The following HPSE2 variants were observed in gnomAD, a reference collection of about 807,000 sequenced individuals.
HPSE2 encodes the protein heparanase 2 (inactive).
In HPSE2, 38 loss-of-function variants were observed where a neutral mutation model predicts 60.5. The observed-to-expected ratio is 0.63, with a 90% CI of 0.48 to 0.82. The LOEUF (loss-of-function observed/expected upper bound fraction) is 0.82, where lower values mean the gene tolerates loss of function less well. Among genes scored for constraint, HPSE2 ranks in the 40% least tolerant of loss-of-function variants. The pLI is 0.00. For synonymous variants in HPSE2, 295 were observed against 293.2 expected (o/e 1.01, Z -0.06); for missense variants, 713 against 740.4 (o/e 0.96, Z 0.43).
Position 99,177,510 on chromosome 10 carries a change from C to T in HPSE2, c.449-33111G>A, listed in dbSNP as rs1847575047. Among the ~76,000 whole-genome samples, 3 of 151,878 alleles carry T rather than the reference C, an allele frequency of 2.0e-5. No individual in the cohort carries two copies. The South Asian group carries it at 6.2e-4, about 32-fold the overall frequency. On this transcript the variant is annotated intron_variant, in intron 2 of 11. Coordinates refer to ENST00000370552, the MANE Select transcript of HPSE2 (RefSeq NM_021828.5). The stretch of plus-strand genomic sequence containing the variant: ...TAACAGACTTTAAACCAAAAAACAT[C>T]AAAAAAGACAAAGAAGGGCATTATA...
At chr10:98,530,772 A>G (rs1462622546) in intron 9 of HPSE2, among the ~76,000 whole-genome samples, 2 of 152,164 alleles carry the variant, frequency 1.3e-5, no homozygotes, top group African/African-American at 2.4e-5. Flanking sequence ...GATGTAGGAA[A>G]GGATGCAGCC....
chr10:98,568,757 G>C (rs903552973), intron 9 of HPSE2, among the ~76,000 whole-genome samples: 1 of 152,120 alleles, frequency 6.6e-6, no homozygotes, highest in Admixed American at 6.5e-5. Flanking sequence ...TTTTTCCTTA[G>C]AGCAGCAGTG....
At chr10:99,267,382 C>G in the HPSE2 span, among the ~76,000 whole-genome samples, 4 of 151,902 alleles carry the variant, frequency 2.6e-5, no homozygotes. Flanking sequence ...GAAGAAAGAA[C>G]TTCAGAGCTC....
rs564483481 is a variant in HPSE2, at chr10:98,866,793, A to T, written c.611-122737T>A. Among the ~76,000 whole-genome samples, 4 of 152,310 alleles carry T rather than the reference A, an allele frequency of 2.6e-5. No individual in the cohort carries two copies. In the South Asian group the frequency reaches 8.3e-4, roughly 32 times the overall value. On this transcript the variant is annotated intron_variant, in intron 3 of 11. Coordinates refer to ENST00000370552, the MANE Select transcript of HPSE2 (RefSeq NM_021828.5). Reference sequence around the variant, plus strand: ...TATAGCCAGTAAAAATATCTTTCAAAAAATGAAGATGAAATAAAAACATTT... The same window carrying T: ...TATAGCCAGTAAAAATATCTTTCAATAAATGAAGATGAAATAAAAACATTT...
At chr10:98,680,979 G>T (rs1947771850) in intron 6 of HPSE2, among the ~76,000 whole-genome samples, 1 of 151,778 alleles carries the variant, frequency 6.6e-6, no homozygotes, top group Admixed American at 6.6e-5. Context: ...GGCCAGGCTG[G>T]TCTCAAACAC....
chr10:98,743,543 C>T (rs575203676), intron 4 of HPSE2, among the ~76,000 whole-genome samples: 2 of 152,160 alleles, frequency 1.3e-5, no homozygotes, highest in African/African-American at 4.8e-5. Context: ...CAATGTTCCA[C>T]AGAACACACA....
intron 3 of HPSE2, among the ~76,000 whole-genome samples, chr10:99,026,489 G>C (rs1284131298): frequency 6.6e-6 from 1 of 152,112 alleles, no homozygotes; most frequent in Non-Finnish European, 1.5e-5. Context: ...TAATATTAGA[G>C]GTAAAGGGAG....
intron 3 of HPSE2, among the ~76,000 whole-genome samples, chr10:98,949,397 G>C (rs2135187619): frequency 6.6e-6 from 1 of 151,704 alleles, no homozygotes; most frequent in East Asian, 1.9e-4. Flanking sequence ...CCAGAGCTGG[G>C]GAAAAAATTC....
Position 98,459,572 on chromosome 10 carries a change from G to C in HPSE2, c.*2C>G. 6.2e-7 allele frequency: 1 copy of C among 1,614,102 alleles called. No homozygotes were observed. Among genetic ancestry groups the C allele is most frequent in the Non-Finnish European group, 8.5e-7 (1 of 1,179,986 alleles). On this transcript the variant is annotated 3_prime_UTR_variant, in exon 12 of 12. Coordinates refer to ENST00000370552, the MANE Select transcript of HPSE2 (RefSeq NM_021828.5). ...ACTGGTAGCCGTGAGTGTGAGGATA[G>C]CTTATCGGTAGCGGCAGGCCAAAGC... is the stretch of plus-strand genomic sequence containing the variant.
At chr10:99,260,347 G>A in the HPSE2 span, among the ~76,000 whole-genome samples, 7 of 151,998 alleles carry the variant, frequency 4.6e-5, no homozygotes, top group African/African-American at 9.7e-5. Flanking sequence ...GCCAAAACCC[G>A]GGATAGGAGG....
chr10:99,129,723 G>T (rs546664712), intron 3 of HPSE2, among the ~76,000 whole-genome samples: 1 of 147,390 alleles, frequency 6.8e-6, no homozygotes, highest in South Asian at 2.1e-4. Context: ...ATACTTCAAG[G>T]AACTAGAGAA....
chr10:99,305,977 G>GCACA, the HPSE2 span, among the ~76,000 whole-genome samples: 27 of 53,722 alleles, frequency 5.0e-4, no homozygotes, highest in South Asian at 4.4e-3. Context: ...GCGCGCGCGC[G>GCACA]CGCACACACA....
At chr10:98,540,193 T>A (rs987071162) in intron 9 of HPSE2, among the ~76,000 whole-genome samples, 24 of 152,366 alleles carry the variant, frequency 1.6e-4, no homozygotes, top group Non-Finnish European at 1.8e-4. Context: ...GTTGAATAAA[T>A]GAATAAATGT....
At chr10:98,568,729 C>T (rs1419786759) in intron 9 of HPSE2, among the ~76,000 whole-genome samples, 1 of 152,142 alleles carries the variant, frequency 6.6e-6, no homozygotes, top group East Asian at 1.9e-4. Context: ...ACCCTGGCAG[C>T]CTAGCCACAC....
chr10:98,494,091 T>C (rs1350940728), intron 9 of HPSE2, among the ~76,000 whole-genome samples: 1 of 152,218 alleles, frequency 6.6e-6, no homozygotes, highest in East Asian at 1.9e-4. Context: ...CCCTTCTCAA[T>C]TGTTTGAAAT....
intron 3 of HPSE2, among the ~76,000 whole-genome samples, chr10:98,998,194 G>A (rs1242046746): frequency 1.3e-5 from 2 of 152,112 alleles, no homozygotes; most frequent in Non-Finnish European, 2.9e-5. Flanking sequence ...TTCATCACAG[G>A]CAAATAGAAA....
intron 2 of HPSE2, among the ~76,000 whole-genome samples, chr10:99,170,951 A>G (rs1192977778): frequency 2.6e-5 from 4 of 152,264 alleles, no homozygotes; most frequent in Non-Finnish European, 5.9e-5. Context: ...CATTGTATTA[A>G]GTATTAAAAT....
At chr10:99,285,753 C>T in the HPSE2 span, among the ~76,000 whole-genome samples, 4 of 152,110 alleles carry the variant, frequency 2.6e-5, no homozygotes, top group African/African-American at 9.6e-5. Context: ...GGTGAGATCC[C>T]GTCTCTACAA....
intron 2 of HPSE2, among the ~76,000 whole-genome samples, chr10:99,151,745 T>TA (rs1047578704): frequency 1.3e-5 from 2 of 151,170 alleles, no homozygotes; most frequent in Non-Finnish European, 1.5e-5. Flanking sequence ...CTCTGTCTCT[T>TA]AAAAAAAAAT....
Sources: allele counts gnomAD v4.1 joint callset (sites outside exome capture counted in the v4.1 genomes callset), GRCh38; gene constraint gnomAD v4.1.1; transcripts MANE v1.5; gene names NCBI Gene and HGNC (gene_info 2026-07-23, HGNC 2026-07-21).